Variants in CEP128 observed in about 807,000 individuals in gnomAD.
CEP128 encodes the protein centrosomal protein 128kDa.
In CEP128, 132 loss-of-function variants were observed where a neutral mutation model predicts 156.7. The ratio of observed to expected loss-of-function variants is 0.84; its 90% confidence interval spans 0.73 to 0.97. CEP128 has a LOEUF of 0.97. Among genes scored for constraint, CEP128 ranks in the 50% least tolerant of loss-of-function variants. The probability of loss-of-function intolerance (pLI) is 0.00; values close to 1 mark genes in which losing one functional copy is unlikely to be tolerated. For synonymous variants in CEP128, 469 were observed against 448.9 expected, an observed-to-expected ratio of 1.04 and a Z score of -0.57; for missense variants, 1,252 against 1,281.9, an observed-to-expected ratio of 0.98 and a Z score of 0.36.
At chr14:80,576,092 C>T (rs1008303161) in intron 20 of CEP128, among the ~76,000 whole-genome samples, 5 of 151,600 alleles carry the variant, frequency 3.3e-5, no homozygotes, top group Non-Finnish European at 7.4e-5. Context: ...CAGAAAGCAA[C>T]ATGGGGAAAG....
intron 15 of CEP128, among the ~76,000 whole-genome samples, chr14:80,778,981 A>C (rs1900951176): frequency 6.6e-6 from 1 of 152,172 alleles, no homozygotes; most frequent in Non-Finnish European, 1.5e-5. Context: ...CCAAAGATAC[A>C]CAGTGAATAA....
intron 17 of CEP128, among the ~76,000 whole-genome samples, chr14:80,757,357 TTCTC>T (rs1270302885): frequency 6.6e-6 from 1 of 152,132 alleles, no homozygotes; most frequent in Non-Finnish European, 1.5e-5. Context: ...ATGGAAACAA[TTCTC>T]TCTCATTTAT....
chr14:80,947,342 G>A (rs568970161), intron 2 of CEP128, among the ~76,000 whole-genome samples: 2 of 152,170 alleles, frequency 1.3e-5, no homozygotes, highest in Admixed American at 6.5e-5. Flanking sequence ...GGTGACCACA[G>A]AAAGCAGAAA....
chr14:80,949,048 A>G (rs1043291742), intron 2 of CEP128, among the ~76,000 whole-genome samples: 1 of 152,186 alleles, frequency 6.6e-6, no homozygotes, highest in East Asian at 1.9e-4. Context: ...TTTTGTTCCC[A>G]GCAAAGGTGG....
chr14:80,510,275 T>A (rs1036458347), intron 23 of CEP128, among the ~76,000 whole-genome samples: 1 of 152,172 alleles, frequency 6.6e-6, no homozygotes, highest in African/African-American at 2.4e-5. Context: ...CATTTTTTTG[T>A]ATGTGTCCTC....
At chr14:80,865,884 A>AATGACTG (rs1887745832) in intron 8 of CEP128, among the ~76,000 whole-genome samples, 1 of 152,148 alleles carries the variant, frequency 6.6e-6, no homozygotes, top group South Asian at 2.1e-4. Context: ...TTGTCATTCC[A>AATGACTG]GTCAAGCCTT....
chr14:80,673,056 T>C (rs1046129167), intron 19 of CEP128, among the ~76,000 whole-genome samples: 1 of 152,190 alleles, frequency 6.6e-6, no homozygotes, highest in South Asian at 2.1e-4. Flanking sequence ...CATTTATGTA[T>C]AGTAAGACCT....
upstream of CEP128, among the ~76,000 whole-genome samples, chr14:80,943,890 A>C: frequency 6.6e-6 from 1 of 152,038 alleles, no homozygotes. Context: ...GCTATTCGGC[A>C]GGCTGAAGCA....
At chr14:80,712,946 T>C (rs986311474) in intron 19 of CEP128, among the ~76,000 whole-genome samples, 1 of 152,144 alleles carries the variant, frequency 6.6e-6, no homozygotes, top group Admixed American at 6.6e-5. Context: ...TGTAAAATAC[T>C]AGGTTGAATC....
intron 19 of CEP128, among the ~76,000 whole-genome samples, chr14:80,633,847 G>C (rs1894068490): frequency 6.6e-6 from 1 of 151,950 alleles, no homozygotes; most frequent in South Asian, 2.1e-4. Flanking sequence ...ATCCATTCTT[G>C]GTATTAAAAA....
intron 19 of CEP128, among the ~76,000 whole-genome samples, chr14:80,723,020 G>A (rs887998660): frequency 1.3e-4 from 19 of 151,866 alleles, no homozygotes; most frequent in African/African-American, 4.4e-4. Flanking sequence ...TAGAGACGGG[G>A]ATTCACCGTG....
At chr14:80,692,141 G>A (rs1468012381) in intron 19 of CEP128, among the ~76,000 whole-genome samples, 1 of 152,188 alleles carries the variant, frequency 6.6e-6, no homozygotes, top group Non-Finnish European at 1.5e-5. Flanking sequence ...GTCAGGAAAG[G>A]TCAGCATCCA....
chr14:80,866,518 C>T (rs145899903), intron 8 of CEP128, among the ~76,000 whole-genome samples: 2 of 152,280 alleles, frequency 1.3e-5, no homozygotes, highest in East Asian at 3.9e-4. Flanking sequence ...CAGCTCAGGC[C>T]ATCTGCTGAC....
chr14:80,723,104 C>G (rs1472593579), intron 19 of CEP128, among the ~76,000 whole-genome samples: 1 of 151,966 alleles, frequency 6.6e-6, no homozygotes, highest in Non-Finnish European at 1.5e-5. Context: ...GGTATTACAG[C>G]CATGAGCCAC....
intron 19 of CEP128, among the ~76,000 whole-genome samples, chr14:80,677,267 G>A (rs535239280): frequency 1.6e-3 from 241 of 152,236 alleles, no homozygotes; most frequent in African/African-American, 5.4e-3. Context: ...AGCACTTTGA[G>A]AGGCTGAGGT....
At chr14:80,935,023 A>G (rs928857888) in intron 2 of CEP128, among the ~76,000 whole-genome samples, 23 of 152,168 alleles carry the variant, frequency 1.5e-4, no homozygotes, top group Non-Finnish European at 3.2e-4. Context: ...TATCATCCCC[A>G]TTTTACAGAA....
chr14:80,664,066 C>G (rs988542632), intron 19 of CEP128, among the ~76,000 whole-genome samples: 2 of 152,196 alleles, frequency 1.3e-5, no homozygotes, highest in Non-Finnish European at 2.9e-5. Context: ...CACCACCTTT[C>G]TTGGAAAATG....
intron 19 of CEP128, among the ~76,000 whole-genome samples, chr14:80,676,494 A>ATT (rs1380131417): frequency 6.6e-6 from 1 of 151,980 alleles, no homozygotes; most frequent in African/African-American, 2.4e-5. Flanking sequence ...AGGCAGTTTT[A>ATT]TTTCCTCCAT....
At chr14:80,821,134 T>G (rs1336675193) in intron 13 of CEP128, among the ~76,000 whole-genome samples, 2 of 152,232 alleles carry the variant, frequency 1.3e-5, no homozygotes, top group African/African-American at 4.8e-5. Flanking sequence ...AAGAGCATAA[T>G]AGACCTGTTG....
Sources: gnomAD v4.1 joint callset for allele counts (sites outside exome capture counted in the v4.1 genomes callset) on GRCh38, gnomAD v4.1.1 for gene constraint, MANE v1.5 for transcripts, NCBI Gene and HGNC (gene_info 2026-07-23, HGNC 2026-07-21) for gene names.